The following RANBP17 variants were observed in gnomAD, a reference collection of about 807,000 sequenced individuals.
RANBP17 encodes the protein ran-binding protein 17.
In RANBP17, 158 loss-of-function variants were observed where a neutral mutation model predicts 141.2. That is an observed-to-expected ratio of 1.12 (90% CI 0.98 to 1.28). The LOEUF is 1.28. RANBP17 is among the 50% of genes most tolerant of loss of function. RANBP17 has a pLI of 0.00. For missense variants in RANBP17, 1,438 were observed against 1,290.7 expected (o/e 1.11, Z -1.75); for synonymous variants, 430 against 450.0 (o/e 0.96, Z 0.56).
At chr5:171,001,265 C>G (rs538449687) in intron 14 of RANBP17, among the ~76,000 whole-genome samples, 1 of 151,908 alleles carries the variant, frequency 6.6e-6, no homozygotes, top group Non-Finnish European at 1.5e-5. Context: ...TTTGTCATAT[C>G]GAATTATTGG....
At chr5:170,880,599 T>C (rs1423869532) in intron 2 of RANBP17, among the ~76,000 whole-genome samples, 1 of 152,226 alleles carries the variant, frequency 6.6e-6, no homozygotes, top group African/African-American at 2.4e-5. Flanking sequence ...TGACTTTTGA[T>C]TTCCTGAGTT....
intron 14 of RANBP17, among the ~76,000 whole-genome samples, chr5:171,134,539 T>TAA (rs1355340705): frequency 1.3e-5 from 2 of 152,220 alleles, no homozygotes. Flanking sequence ...TAGAAAGCCC[T>TAA]AAGTTCTAAC....
intron 12 of RANBP17, among the ~76,000 whole-genome samples, chr5:170,949,990 T>C (rs1305402705): frequency 6.6e-6 from 1 of 152,142 alleles, no homozygotes; most frequent in African/African-American, 2.4e-5. Flanking sequence ...GAACATACAT[T>C]GGGGAAAGGA....
chr5:170,924,059 G>T (rs1350532947), intron 11 of RANBP17, among the ~76,000 whole-genome samples: 1 of 150,470 alleles, frequency 6.6e-6, no homozygotes, highest in Non-Finnish European at 1.5e-5. Flanking sequence ...GTGCAGTGGC[G>T]CAATCTTAGC....
chr5:170,897,653 A>C (rs1056256332), intron 5 of RANBP17, among the ~76,000 whole-genome samples: 1 of 151,672 alleles, frequency 6.6e-6, no homozygotes, highest in African/African-American at 2.4e-5. Flanking sequence ...GAGTAAGAAC[A>C]TGCAGTGTTT....
intron 14 of RANBP17, among the ~76,000 whole-genome samples, chr5:171,119,934 G>C (rs1755900454): frequency 6.6e-6 from 1 of 151,600 alleles, no homozygotes; most frequent in African/African-American, 2.4e-5. Flanking sequence ...AGCTACTCGG[G>C]AGGCTGAGAC....
chr5:171,030,904 A>G (rs547534746), intron 14 of RANBP17, among the ~76,000 whole-genome samples: 5 of 152,130 alleles, frequency 3.3e-5, no homozygotes, highest in South Asian at 2.1e-4. Context: ...AAATGCTTAC[A>G]TTTCTAAGAC....
intron 14 of RANBP17, among the ~76,000 whole-genome samples, chr5:171,083,281 G>A (rs973161489): frequency 6.6e-6 from 1 of 152,124 alleles, no homozygotes; most frequent in African/African-American, 2.4e-5. Context: ...GAACCTTCAT[G>A]AAAGACATAA....
At chr5:171,151,456 C>T (rs945192943) in intron 14 of RANBP17, among the ~76,000 whole-genome samples, 3 of 152,204 alleles carry the variant, frequency 2.0e-5, no homozygotes, top group Non-Finnish European at 2.9e-5. Flanking sequence ...GAAGCAATTC[C>T]ACTTTCTCTG....
chr5:171,040,028 C>A (rs1477570515), intron 14 of RANBP17, among the ~76,000 whole-genome samples: 1 of 151,930 alleles, frequency 6.6e-6, no homozygotes, highest in Admixed American at 6.6e-5. Flanking sequence ...TTCCGTGAAG[C>A]CAGCATCAGC....
chr5:170,927,025 A>G (rs1427087719), intron 12 of RANBP17, among the ~76,000 whole-genome samples: 2 of 152,134 alleles, frequency 1.3e-5, no homozygotes, highest in Non-Finnish European at 2.9e-5. Flanking sequence ...TCCACTGTTG[A>G]CAATGATTTT....
intron 13 of RANBP17, 89 bp from the exon 14 acceptor site, chr5:170,968,153 A>G (rs1344889569): frequency 7.6e-6 from 7 of 922,658 alleles, no homozygotes; most frequent in African/African-American, 1.7e-5. Context: ...CAGTGATTAT[A>G]TGTTATATTA....
chr5:171,176,638 C>T (rs1453920227), intron 16 of RANBP17, among the ~76,000 whole-genome samples: 2 of 152,082 alleles, frequency 1.3e-5, no homozygotes, highest in African/African-American at 4.8e-5. Context: ...AAATTTAACT[C>T]AGATAAATTA....
intron 14 of RANBP17, among the ~76,000 whole-genome samples, chr5:171,143,736 A>C (rs73801172): frequency 2.6e-3 from 401 of 152,368 alleles, no homozygotes; most frequent in African/African-American, 9.1e-3. Context: ...GACAGCACAG[A>C]ATGACAATGG....
chr5:170,898,300 C>T (rs1028142883), intron 5 of RANBP17, among the ~76,000 whole-genome samples: 1 of 152,036 alleles, frequency 6.6e-6, no homozygotes, highest in Non-Finnish European at 1.5e-5. Flanking sequence ...AGCTTTTTTT[C>T]ATACGGTTGT....
intron 25 of RANBP17, among the ~76,000 whole-genome samples, chr5:171,274,958 G>GT (rs1767397791): frequency 6.6e-6 from 1 of 152,192 alleles, no homozygotes; most frequent in Non-Finnish European, 1.5e-5. Flanking sequence ...ATGGTTAACA[G>GT]AACAGAGAGG....
In RANBP17 at chr5:170,936,379, A is replaced by G. The variant is rs371391656; in HGVS notation, c.1468+11829A>G. Reference sequence around the variant, plus strand: ...GCGTCAGTCTCTCTGGGAGCTGCAGACTGGAGCTGTTCCTATTCGGCCATC... The same window carrying G: ...GCGTCAGTCTCTCTGGGAGCTGCAGGCTGGAGCTGTTCCTATTCGGCCATC... On this transcript the variant is annotated intron_variant, in intron 12 of 27. Coordinates refer to ENST00000523189, the MANE Select transcript of RANBP17 (RefSeq NM_022897.5). Among the ~76,000 whole-genome samples, 63 of 152,242 alleles carry G rather than the reference A, an allele frequency of 4.1e-4. 1 individual carries two copies. The South Asian group carries it at 0.013, about 31-fold the overall frequency.
Position 171,252,068 on chromosome 5 carries a change from A to T in RANBP17, c.2776+9248A>T. On this transcript the variant is annotated intron_variant, in intron 24 of 27. Transcript: ENST00000523189. ...GAGAGCCTTCTTACATGCTTAGCAGATCTCTTCCATAGCATAGCCACTCAG... is the reference window on the plus strand; with the variant it reads ...GAGAGCCTTCTTACATGCTTAGCAGTTCTCTTCCATAGCATAGCCACTCAG... 3 of 1,601,844 alleles carry T rather than the reference A, an allele frequency of 1.9e-6. No individual in the cohort carries two copies. The South Asian group carries it at 3.3e-5, about 18-fold the overall frequency.
chr5:171,146,662 G>A (rs1758047810), intron 14 of RANBP17, among the ~76,000 whole-genome samples: 1 of 152,112 alleles, frequency 6.6e-6, no homozygotes, highest in South Asian at 2.1e-4. Flanking sequence ...TCTATATTAT[G>A]CCATCTTAAG....
Sources: allele counts gnomAD v4.1 joint callset (sites outside exome capture counted in the v4.1 genomes callset), GRCh38; gene constraint gnomAD v4.1.1; transcripts MANE v1.5; gene names NCBI Gene and HGNC (gene_info 2026-07-23, HGNC 2026-07-21).